The following RABGAP1 variants were observed in gnomAD, a reference collection of about 807,000 sequenced individuals.
RABGAP1 encodes the protein RAB GTPase activating protein 1, also known as rab GTPase-activating protein 1.
In RABGAP1, 23 loss-of-function variants were observed where a neutral mutation model predicts 137.6. The observed-to-expected ratio is 0.17, with a 90% CI of 0.12 to 0.24. The LOEUF (loss-of-function observed/expected upper bound fraction) is 0.24, where lower values mean the gene tolerates loss of function less well. RABGAP1 is among the 10% of genes least tolerant of loss of function. The pLI is 1.00. For missense variants in RABGAP1, 906 were observed against 1,275.8 expected (o/e 0.71, Z 4.42); for synonymous variants, 451 against 450.7 (o/e 1.00, Z -0.01).
At chr9:123,057,135 C>G (rs1170748549) in intron 13 of RABGAP1, among the ~76,000 whole-genome samples, 1 of 149,472 alleles carries the variant, frequency 6.7e-6, no homozygotes. Context: ...CCGGACGGGG[C>G]GGCTGGCCTG....
chr9:122,984,170 T>C (rs544977873), intron 2 of RABGAP1, among the ~76,000 whole-genome samples: 1 of 152,346 alleles, frequency 6.6e-6, no homozygotes, highest in East Asian at 1.9e-4. Context: ...TCAGACAAAA[T>C]TATAGATCCT....
chr9:122,943,361 G>T (rs553143371), intron 1 of RABGAP1, among the ~76,000 whole-genome samples: 2 of 152,052 alleles, frequency 1.3e-5, no homozygotes, highest in Admixed American at 6.5e-5. Flanking sequence ...GAGCCACTGC[G>T]CCCGGCCACA....
At chr9:122,942,669 CAAAAAA>C (rs10660327) in intron 1 of RABGAP1, among the ~76,000 whole-genome samples, 4 of 90,342 alleles carry the variant, frequency 4.4e-5, no homozygotes, top group Non-Finnish European at 8.4e-5. Context: ...GACTCCGTCT[CAAAAAA>C]AAAAAAAAAA....
chr9:122,959,175 A>G (rs1406460297), intron 2 of RABGAP1, among the ~76,000 whole-genome samples: 3 of 152,166 alleles, frequency 2.0e-5, no homozygotes, highest in Non-Finnish European at 4.4e-5. Flanking sequence ...GAGGAAGGCC[A>G]TGGAAAAATC....
intron 22 of RABGAP1, 62 bp from the exon 23 acceptor site, chr9:123,098,653 G>T: frequency 6.9e-7 from 1 of 1,454,552 alleles, no homozygotes; most frequent in Non-Finnish European, 9.5e-7. Context: ...CTAAGCGGTT[G>T]GTGGCAGAAC....
intron 15 of RABGAP1, among the ~76,000 whole-genome samples, chr9:123,071,083 T>C (rs1564176010): frequency 6.6e-6 from 1 of 152,204 alleles, no homozygotes. Context: ...CTTGATCATA[T>C]ATATGCCTTC....
intron 2 of RABGAP1, among the ~76,000 whole-genome samples, chr9:122,965,048 G>A (rs1304375504): frequency 6.6e-6 from 1 of 151,970 alleles, no homozygotes; most frequent in Non-Finnish European, 1.5e-5. Context: ...CAACAAAAAT[G>A]CAATGAAAGA....
intron 11 of RABGAP1, among the ~76,000 whole-genome samples, chr9:123,012,218 C>A (rs1218128811): frequency 6.6e-6 from 1 of 152,214 alleles, no homozygotes; most frequent in Admixed American, 6.5e-5. Flanking sequence ...TATGTTATAT[C>A]TGGGAAAGGT....
intron 10 of RABGAP1, among the ~76,000 whole-genome samples, chr9:123,001,040 G>A (rs1837299296): frequency 6.6e-6 from 1 of 152,008 alleles, no homozygotes; most frequent in African/African-American, 2.4e-5. Context: ...AGTAGAGATC[G>A]GGTTTCACTA....
Position 123,079,975 on chromosome 9 carries a change from A to G in RABGAP1, c.2424+3213A>G, listed in dbSNP as rs759530233. Among the ~76,000 whole-genome samples, 8 of 152,336 alleles carry G rather than the reference A, an allele frequency of 5.3e-5. No individual in the cohort carries two copies. The South Asian group carries it at 6.2e-4, about 12-fold the overall frequency. On this transcript the variant is annotated intron_variant, in intron 19 of 25. Transcript: ENST00000373647. ...GATCTCGCTTATAAATATCGATTGAATAAGTGAATGAATAAATACACTGTT... is the reference window on the plus strand; with the variant it reads ...GATCTCGCTTATAAATATCGATTGAGTAAGTGAATGAATAAATACACTGTT...
At chr9:123,030,548 A>G (rs917700363) in intron 13 of RABGAP1, among the ~76,000 whole-genome samples, 2 of 152,124 alleles carry the variant, frequency 1.3e-5, no homozygotes, top group Non-Finnish European at 2.9e-5. Context: ...TTTTTATTGT[A>G]TTTTTTAATC....
intron 13 of RABGAP1, among the ~76,000 whole-genome samples, chr9:123,039,425 A>G (rs1423251522): frequency 6.6e-6 from 1 of 152,178 alleles, no homozygotes; most frequent in African/African-American, 2.4e-5. Flanking sequence ...GTTTTATAGA[A>G]TGAATAAATG....
chr9:122,948,489 G>A (rs1011130024), intron 1 of RABGAP1, among the ~76,000 whole-genome samples: 20 of 152,218 alleles, frequency 1.3e-4, no homozygotes, highest in African/African-American at 4.3e-4. Flanking sequence ...CTGGCAAGGT[G>A]TGAAGATTAG....
In RABGAP1 at chr9:122,998,707, T is replaced by G; in HGVS notation, c.1315T>G (p.Leu439Val). 6.2e-7 allele frequency: 1 copy of G among 1,612,832 alleles called. No homozygotes were observed. ...CCGCGTTTGCTCACCTAATGAAAGA[T>G]TATTCTGGCCCTTCAGCAAACGTAG... ...KVRVCSPNER[L>V]FWPFSKRSTT... Residue 439 changes from leucine to valine, a missense_variant, in exon 10 of 26, where the codon TTA (leucine) becomes GTA (valine). This residue lies in a region of RABGAP1 where 212 missense variants were observed against 289.4 expected (regional missense o/e 0.73). Transcript: ENST00000373647.
intron 10 of RABGAP1, among the ~76,000 whole-genome samples, chr9:123,006,831 A>C (rs1046447651): frequency 6.6e-6 from 1 of 151,802 alleles, no homozygotes; most frequent in African/African-American, 2.4e-5. Context: ...GTAGTCTCGA[A>C]CTCCTGACCT....
intron 2 of RABGAP1, among the ~76,000 whole-genome samples, chr9:122,966,779 G>A (rs1483847197): frequency 2.0e-5 from 3 of 152,172 alleles, no homozygotes; most frequent in African/African-American, 7.2e-5. Flanking sequence ...AGGTTTAATG[G>A]ACTTACAGTT....
intron 19 of RABGAP1, 101 bp downstream of exon 19, chr9:123,076,863 CATTT>C (rs1564179791): frequency 5.5e-6 from 4 of 727,028 alleles, no homozygotes; most frequent in Admixed American, 4.8e-5. Flanking sequence ...ATATTTATAA[CATTT>C]ATAATACATA....
At chr9:123,064,222 T>G (rs1476040011) in intron 13 of RABGAP1, among the ~76,000 whole-genome samples, 1 of 152,216 alleles carries the variant, frequency 6.6e-6, no homozygotes, top group African/African-American at 2.4e-5. Flanking sequence ...ATTTTTTCCT[T>G]TTGTTGAAGA....
At chr9:122,949,011 C>A (rs1403202294) in intron 1 of RABGAP1, among the ~76,000 whole-genome samples, 4 of 152,174 alleles carry the variant, frequency 2.6e-5, no homozygotes, top group African/African-American at 9.7e-5. Context: ...ATACTCCCAG[C>A]ATTTGACATG....
Sources: gnomAD v4.1 joint callset for allele counts (sites outside exome capture counted in the v4.1 genomes callset) on GRCh38, gnomAD v4.1.1 for gene constraint, gnomAD v4.1.1 regional missense constraint, MANE v1.5 for transcripts, NCBI Gene and HGNC (gene_info 2026-07-23, HGNC 2026-07-21) for gene names.